TBCA: variants seen among roughly 807,000 people sequenced by gnomAD.
TBCA encodes tubulin-specific chaperone A.
A neutral mutation model predicts 15.8 loss-of-function variants in TBCA; 6 were observed. The observed-to-expected ratio is 0.38, with a 90% CI of 0.21 to 0.75. The LOEUF is 0.75. TBCA is among the 30% of genes least tolerant of loss of function. The pLI is 0.46. For missense variants in TBCA, 90 were observed against 131.2 expected (o/e 0.69, Z 1.53); for synonymous variants, 32 against 42.3 (o/e 0.76, Z 0.94).
intron 2 of TBCA, among the ~76,000 whole-genome samples, chr5:77,703,925 G>A (rs1391708823): frequency 7.9e-6 from 1 of 127,170 alleles, no homozygotes; most frequent in Non-Finnish European, 1.7e-5. Context: ...CTGATAGTGA[G>A]TGAGTTCTCA....
chr5:77,691,763 C>T, intron 3 of TBCA: 1 of 1,082,996 alleles, frequency 9.2e-7, no homozygotes, highest in Non-Finnish European at 1.1e-6. Flanking sequence ...AAGCTACCAG[C>T]ATTAATTAAA....
At chr5:77,746,413 A>C (rs1231962828) in intron 1 of TBCA, among the ~76,000 whole-genome samples, 2 of 152,228 alleles carry the variant, frequency 1.3e-5, no homozygotes, top group Non-Finnish European at 2.9e-5. Flanking sequence ...GTTTATTTTA[A>C]CTATATAGAA....
At chr5:77,704,970 A>G (rs5025845) in intron 2 of TBCA, among the ~76,000 whole-genome samples, 16,456 of 152,244 alleles carry the variant, frequency 0.11, 949 homozygotes, top group Middle Eastern at 0.13. Context: ...GGGTAGAAAC[A>G]ACTTTTGAAC....
chr5:77,759,217 T>C (rs1326696419), intron 1 of TBCA, among the ~76,000 whole-genome samples: 1 of 152,190 alleles, frequency 6.6e-6, no homozygotes, highest in Non-Finnish European at 1.5e-5. Context: ...AGGTCATAGG[T>C]AGATTTAAAC....
intron 1 of TBCA, among the ~76,000 whole-genome samples, chr5:77,710,949 C>T (rs1746264814): frequency 6.6e-6 from 1 of 152,056 alleles, no homozygotes; most frequent in African/African-American, 2.4e-5. Context: ...TGACTAAATT[C>T]CCCTAGTAAT....
At chr5:77,723,454 T>C (rs1746566737) in intron 1 of TBCA, among the ~76,000 whole-genome samples, 1 of 151,964 alleles carries the variant, frequency 6.6e-6, no homozygotes, top group Non-Finnish European at 1.5e-5. Flanking sequence ...ACATCTGAAA[T>C]AGACCAGATC....
chr5:77,738,512 C>A (rs1269035407), intron 1 of TBCA, among the ~76,000 whole-genome samples: 2 of 152,202 alleles, frequency 1.3e-5, no homozygotes, highest in Non-Finnish European at 2.9e-5. Context: ...TTTAGTCATG[C>A]ACATGGCCTG....
At chr5:77,716,335 C>A (rs1347980863) in intron 1 of TBCA, among the ~76,000 whole-genome samples, 1 of 152,152 alleles carries the variant, frequency 6.6e-6, no homozygotes, top group Non-Finnish European at 1.5e-5. Flanking sequence ...TGGGCATCAA[C>A]AAATCTGCTC....
intron 1 of TBCA, among the ~76,000 whole-genome samples, chr5:77,767,548 C>T (rs919407655): frequency 6.6e-6 from 1 of 152,192 alleles, no homozygotes; most frequent in African/African-American, 2.4e-5. Flanking sequence ...CAAAACTGGC[C>T]TTGCCACATT....
At chr5:77,732,615 T>C (rs1298842310) in intron 1 of TBCA, among the ~76,000 whole-genome samples, 1 of 151,516 alleles carries the variant, frequency 6.6e-6, no homozygotes, top group Non-Finnish European at 1.5e-5. Context: ...AACAAGTCTG[T>C]CAGTGCCTTT....
chr5:77,730,475 T>A (rs187446581), intron 1 of TBCA, among the ~76,000 whole-genome samples: 148 of 152,344 alleles, frequency 9.7e-4, no homozygotes, highest in African/African-American at 3.3e-3. Context: ...TGAAAATAAA[T>A]TTTAGTTGTT....
chr5:77,746,591 T>C (rs949626423), intron 1 of TBCA, among the ~76,000 whole-genome samples: 1 of 152,202 alleles, frequency 6.6e-6, no homozygotes, highest in Non-Finnish European at 1.5e-5. Context: ...TTGGTAGACT[T>C]AATAACACAA....
intron 1 of TBCA, among the ~76,000 whole-genome samples, chr5:77,720,059 C>T (rs1287722243): frequency 1.3e-5 from 2 of 152,170 alleles, no homozygotes; most frequent in Non-Finnish European, 2.9e-5. Context: ...TCTATTTAGA[C>T]ATCCCCACTA....
intron 1 of TBCA, among the ~76,000 whole-genome samples, chr5:77,730,609 CTTCAA>C: frequency 1.2e-5 from 1 of 84,480 alleles, no homozygotes; most frequent in Non-Finnish European, 3.4e-5. Context: ...TTTTAAAGGA[CTTCAA>C]TTCAAGTGAT....
chr5:77,701,694 T>C (rs1301210549), intron 2 of TBCA, among the ~76,000 whole-genome samples: 3 of 124,576 alleles, frequency 2.4e-5, no homozygotes, highest in Non-Finnish European at 3.4e-5. Flanking sequence ...TATATATATA[T>C]ATATATATAT....
At chr5:77,715,101 G>C in intron 1 of TBCA, 1 of 609,750 alleles carries the variant, frequency 1.6e-6, no homozygotes, top group Non-Finnish European at 2.9e-6. Context: ...TTTGAGAAGA[G>C]GACACATGAG....
chr5:77,751,484 A>G (rs551360961), intron 1 of TBCA, among the ~76,000 whole-genome samples: 9 of 151,970 alleles, frequency 5.9e-5, no homozygotes, highest in Non-Finnish European at 1.3e-4. Flanking sequence ...GGCCAGCCTG[A>G]CCAGTCTTTC....
intron 1 of TBCA, among the ~76,000 whole-genome samples, chr5:77,726,378 A>G (rs1249632330): frequency 6.6e-6 from 1 of 152,240 alleles, no homozygotes; most frequent in Non-Finnish European, 1.5e-5. Context: ...GTATCAGAAC[A>G]TGCCATCACT....
At chr5:77,771,353 C>A (rs1747910166) in intron 1 of TBCA, among the ~76,000 whole-genome samples, 1 of 152,136 alleles carries the variant, frequency 6.6e-6, no homozygotes, top group African/African-American at 2.4e-5. Flanking sequence ...GGCTTAGCAC[C>A]AATTCAGCCT....
Sources: allele counts gnomAD v4.1 joint callset (sites outside exome capture counted in the v4.1 genomes callset), GRCh38; gene constraint gnomAD v4.1.1; transcripts MANE v1.5; gene names NCBI Gene and HGNC (gene_info 2026-07-23, HGNC 2026-07-21).